Variants in NBPF8 observed in about 807,000 individuals in gnomAD.
The protein encoded by NBPF8 is NBPF family member NBPF8.
At chr1:120,415,099 G>A (rs4649490), upstream of NBPF8, among the ~76,000 whole-genome samples, 1 of 152,250 alleles carries the variant, frequency 6.6e-6, no homozygotes, top group South Asian at 2.1e-4. Context: ...GACAGCGGCG[G>A]TATTGGGAGG....
At chr1:120,429,435 G>T (rs1660811874) in intron 3 of NBPF8, among the ~76,000 whole-genome samples, 1 of 152,126 alleles carries the variant, frequency 6.6e-6, no homozygotes, top group Non-Finnish European at 1.5e-5. Context: ...CAGGCTGGAG[G>T]TCATGGCGGG....
chr1:120,428,893 C>A (rs1448440987), intron 3 of NBPF8, among the ~76,000 whole-genome samples: 16 of 151,784 alleles, frequency 1.1e-4, no homozygotes, highest in African/African-American at 3.9e-4. Context: ...TATCTTGACT[C>A]CTGGTTGAGT....
chr1:120,453,533 CA>C (rs1308922436), intron 14 of NBPF8, 89 bp downstream of exon 12: 314,531 of 1,099,734 alleles, frequency 0.29, 52,733 homozygotes, highest in Non-Finnish European at 0.33. Context: ...TATGATGGGT[CA>C]AAAACCCGCA....
intron 3 of NBPF8, among the ~76,000 whole-genome samples, chr1:120,428,735 C>G (rs1337269538): frequency 6.7e-6 from 1 of 149,280 alleles, no homozygotes; most frequent in Non-Finnish European, 1.5e-5. Context: ...TTCCCTCAGC[C>G]TGTCAGTCTC....
Position 120,452,356 on chromosome 1 carries a change from A to G in NBPF8, n.2289+25A>G, listed in dbSNP as rs1330739808. 6.5e-6 allele frequency: 8 copies of G among 1,234,548 alleles called. No individual in the cohort carries two copies. In the East Asian group the frequency reaches 1.7e-4, roughly 26 times the overall value. 76.5% of individuals were successfully genotyped at this position (1,234,548 alleles called of 1,614,324 possible). A position where few individuals can be genotyped will look rare whatever the true frequency, so the allele number is the denominator to read the frequency against. Reference sequence around the variant, plus strand: ...GGTAAGGTGGCCATAGGCCCTGATGACCCAAAATCCCAGGCTTATGAGAGA... The same window carrying G: ...GGTAAGGTGGCCATAGGCCCTGATGGCCCAAAATCCCAGGCTTATGAGAGA... On this transcript the variant is annotated intron_variant and non_coding_transcript_variant, in intron 13 of 24. Transcript: ENST00000583271.
chr1:120,428,556 G>A (rs1660785546), intron 3 of NBPF8, among the ~76,000 whole-genome samples: 1 of 152,070 alleles, frequency 6.6e-6, no homozygotes, highest in African/African-American at 2.4e-5. Flanking sequence ...CTTTAATTCA[G>A]GCAGGTTTAT....
At chr1:120,461,363 C>A in exon 19 of NBPF8, 1 of 1,063,856 alleles carries the variant, frequency 9.4e-7, no homozygotes, top group Non-Finnish European at 1.3e-6. Flanking sequence ...CTCATGCCAG[C>A]CCTACAGAAG....
In NBPF8 at chr1:120,461,387, T is replaced by C; in HGVS notation, n.2970T>C. The C allele has an allele frequency of 2.9e-6, 3 of 1,034,486 alleles. No homozygotes were observed. In the South Asian group the frequency reaches 3.9e-5, roughly 14 times the overall value. The allele number at this position is 1,034,486 out of a possible 1,614,324, so 64.1% of individuals were successfully genotyped here. On this transcript the variant is annotated non_coding_transcript_exon_variant, in exon 19 of 25. Coordinates refer to ENST00000583271, the Ensembl canonical transcript of NBPF8. Reference sequence around the variant, plus strand: ...GCCCTACAGAAGTGCGTTTTACATATTGGAGCAACAGCGTGTTGGCTTGGC... The same window carrying C: ...GCCCTACAGAAGTGCGTTTTACATACTGGAGCAACAGCGTGTTGGCTTGGC...
chr1:120,454,703 ATTTTTTTTTTTTTT>A (rs1175094609), intron 15 of NBPF8, among the ~76,000 whole-genome samples: 6 of 5,080 alleles, frequency 1.2e-3, no homozygotes, highest in African/African-American at 2.6e-3. Context: ...AGCATCGTGG[ATTTTTTTTTTTTTT>A]TTTTTTTTTT....
intron 15 of NBPF8, among the ~76,000 whole-genome samples, chr1:120,454,408 A>G (rs1661376013): frequency 6.6e-6 from 1 of 151,662 alleles, no homozygotes; most frequent in South Asian, 2.1e-4. Context: ...ATCTCTTGTC[A>G]TCTGTGATTA....
upstream of NBPF8, among the ~76,000 whole-genome samples, chr1:120,416,116 G>C (rs1468357638): frequency 2.6e-5 from 4 of 151,956 alleles, no homozygotes; most frequent in Non-Finnish European, 4.4e-5. Flanking sequence ...AGATCTGCTG[G>C]TAGTGTTTAG....
intron 11 of NBPF8, 71 bp downstream of exon 9, chr1:120,449,473 C>T (rs1638310466): frequency 2.9e-6 from 3 of 1,027,462 alleles, no homozygotes; most frequent in East Asian, 4.7e-5. Context: ...ACACTAAATG[C>T]TCTCTCCATC....
At chr1:120,450,436 T>C (rs1469075062) in intron 11 of NBPF8, among the ~76,000 whole-genome samples, 1 of 152,022 alleles carries the variant, frequency 6.6e-6, no homozygotes, top group Admixed American at 6.5e-5. Flanking sequence ...TTGTCTTGTC[T>C]GTCCCTCAGT....
chr1:120,434,391 A>AATATATATACACGTGTATATATATTATAT (rs1661011194), upstream of NBPF8, among the ~76,000 whole-genome samples: 3 of 146,584 alleles, frequency 2.0e-5, no homozygotes, highest in Admixed American at 6.9e-5. Flanking sequence ...ATGTATATAT[A>AATATATATACACGTGTATATATATTATAT]ATATATATAC....
intron 11 of NBPF8, among the ~76,000 whole-genome samples, chr1:120,449,829 G>T (rs1385768997): frequency 6.6e-6 from 1 of 152,172 alleles, no homozygotes; most frequent in Non-Finnish European, 1.5e-5. Context: ...CTGTTCTAGT[G>T]ACTCTGAGGG....
chr1:120,454,522 C>T (rs1471023455), intron 15 of NBPF8, among the ~76,000 whole-genome samples: 2 of 152,124 alleles, frequency 1.3e-5, no homozygotes, highest in Admixed American at 1.3e-4. Context: ...GGCTTCACTG[C>T]TCTCAGCTTT....
downstream of NBPF8, chr1:120,467,740 C>G (rs1437266758): frequency 2.6e-5 from 4 of 152,044 alleles, no homozygotes; most frequent in African/African-American, 9.7e-5. Context: ...TTGCCTATCA[C>G]TCTGGACTTT....
At chr1:120,436,225 A>G, upstream of NBPF8, 1 of 599,662 alleles carries the variant, frequency 1.7e-6, no homozygotes, top group Non-Finnish European at 3.0e-6. Context: ...TGTTATTGCA[A>G]CTGCAGACGG....
chr1:120,434,288 ATT>A (rs1557931077), upstream of NBPF8, among the ~76,000 whole-genome samples: 1 of 27,046 alleles, frequency 3.7e-5, no homozygotes, highest in African/African-American at 2.4e-4. Flanking sequence ...ATATACACGT[ATT>A]ATATATATAT....
Sources: gnomAD v4.1 joint callset for allele counts (sites outside exome capture counted in the v4.1 genomes callset) on GRCh38, gnomAD v4.1.1 for gene constraint, MANE v1.5 for transcripts, NCBI Gene and HGNC (gene_info 2026-07-23, HGNC 2026-07-21) for gene names.